SLC5A1: variants seen among roughly 807,000 people sequenced by gnomAD.
SLC5A1 encodes sodium/glucose cotransporter 1.
A neutral mutation model predicts 73.5 loss-of-function variants in SLC5A1; 42 were observed. The observed-to-expected ratio is 0.57, with a 90% CI of 0.45 to 0.74. The LOEUF is 0.74. Ranked by LOEUF, SLC5A1 falls within the 30% of genes least tolerant of loss-of-function variation. SLC5A1 has a pLI of 0.00. For missense variants in SLC5A1, 634 were observed against 855.4 expected (o/e 0.74, Z 3.23); for synonymous variants, 300 against 317.4 (o/e 0.95, Z 0.58).
chr22:32,072,040 C>T (rs79397654), intron 5 of SLC5A1, among the ~76,000 whole-genome samples: 6,815 of 152,176 alleles, frequency 0.045, 207 homozygotes, highest in Non-Finnish European at 0.07. Flanking sequence ...CCAATTTTTT[C>T]CCCAGCAGTA....
At chr22:32,097,413 T>G (rs894974055) in intron 11 of SLC5A1, among the ~76,000 whole-genome samples, 5 of 152,100 alleles carry the variant, frequency 3.3e-5, no homozygotes, top group African/African-American at 9.7e-5. Context: ...TTTGTGGAGG[T>G]CAATTTAAGT....
rs535179312 is a variant in SLC5A1 at position 32,091,451 on chromosome 22, C to A, written c.1130-161C>A. Reference sequence around the variant, plus strand: ...TATAATGGGCTAATAAATTTAAAGCCATAGGACTACTTCTTAAAGCTTCTA... The same window carrying A: ...TATAATGGGCTAATAAATTTAAAGCAATAGGACTACTTCTTAAAGCTTCTA... On this transcript the variant is annotated intron_variant, in intron 10 of 14. Coordinates refer to ENST00000266088, the MANE Select transcript of SLC5A1 (RefSeq NM_000343.4). Among the ~76,000 whole-genome samples, 18 of 152,168 alleles carry A rather than the reference C, an allele frequency of 1.2e-4. No individual in the cohort carries two copies. The South Asian group carries it at 1.9e-3, about 16-fold the overall frequency.
intron 2 of SLC5A1, among the ~76,000 whole-genome samples, chr22:32,051,564 G>A (rs1178143531): frequency 4.6e-5 from 7 of 152,174 alleles, no homozygotes; most frequent in African/African-American, 1.2e-4. Flanking sequence ...GCTGAGGTGG[G>A]AGGATCGCTT....
Position 32,043,561 on chromosome 22 carries a change from G to A in SLC5A1, c.135+145G>A, listed in dbSNP as rs1417856594. 3.4e-6 allele frequency: 3 copies of A among 887,344 alleles called. No individual in the cohort carries two copies. The highest frequency in any genetic ancestry group is 1.7e-5 in the African/African-American group (1 of 60,508). 55.0% of individuals were successfully genotyped at this position (887,344 alleles called of 1,614,324 possible). On this transcript the variant is annotated intron_variant, in intron 1 of 14. Coordinates refer to ENST00000266088, the MANE Select transcript of SLC5A1 (RefSeq NM_000343.4). This position sits in a 1 kb window ranked among gnomAD's most constrained non-coding sequence, Gnocchi z 6.5. ...GGAAGCACTTTAGAAGCACTCAGAGGCACAGCATGAAGGGAGGAGGGCAAG... is the reference window on the plus strand; with the variant it reads ...GGAAGCACTTTAGAAGCACTCAGAGACACAGCATGAAGGGAGGAGGGCAAG...
intron 5 of SLC5A1, among the ~76,000 whole-genome samples, chr22:32,079,447 CTT>C (rs1433087002): frequency 6.6e-6 from 1 of 152,212 alleles, no homozygotes; most frequent in Non-Finnish European, 1.5e-5. Flanking sequence ...TAGCCCAACA[CTT>C]TTCAGAAGTC....
intron 5 of SLC5A1, among the ~76,000 whole-genome samples, chr22:32,071,500 C>T (rs1210528865): frequency 6.6e-6 from 1 of 152,170 alleles, no homozygotes; most frequent in Non-Finnish European, 1.5e-5. Flanking sequence ...ACATGGTTAA[C>T]TGAGAGCCTT....
At chr22:32,092,096 C>T (rs535958613) in intron 11 of SLC5A1, among the ~76,000 whole-genome samples, 2 of 152,044 alleles carry the variant, frequency 1.3e-5, no homozygotes, top group South Asian at 4.2e-4. Context: ...CCCTCGCCCC[C>T]CTCCCACCCG....
intron 1 of SLC5A1, among the ~76,000 whole-genome samples, chr22:32,049,469 TC>T (rs1248411591): frequency 4.1e-5 from 6 of 147,634 alleles, no homozygotes; most frequent in Non-Finnish European, 9.0e-5. Context: ...GGTCTTGAAT[TC>T]CTGGGCTCAA....
rs1244288397 is a variant in SLC5A1, at chr22:32,112,972, A to G, written c.*2759A>G. 2.0e-5 allele frequency: 3 copies of G among 152,214 alleles called. No homozygotes were observed. The highest frequency in any genetic ancestry group is 4.4e-5 in the Non-Finnish European group (3 of 68,044). The allele number at this position is 152,214 out of a possible 1,614,324, so 9.4% of individuals were successfully genotyped here. On this transcript the variant is annotated 3_prime_UTR_variant, in exon 15 of 15. Transcript: ENST00000266088. ...CATATATAAAAATATGTTGTATGCC[A>G]TGAGTATATATAATTATTATTTGTG... is the stretch of plus-strand genomic sequence containing the variant.
chr22:32,073,438 C>T (rs1043566680), intron 5 of SLC5A1, among the ~76,000 whole-genome samples: 9 of 152,226 alleles, frequency 5.9e-5, no homozygotes, highest in Non-Finnish European at 8.8e-5. Flanking sequence ...CCTTGTGTAG[C>T]TTCCTGACTC....
Position 32,068,654 on chromosome 22 carries a change from C to T in SLC5A1, c.477+54C>T, listed in dbSNP as rs571199151. 6.6e-4 allele frequency: 781 copies of T among 1,189,110 alleles called. 1 individual carries two copies. Among genetic ancestry groups the T allele is most frequent in the South Asian group, 8.9e-4 (73 of 82,094 alleles). 73.7% of individuals were successfully genotyped at this position (1,189,110 alleles called of 1,614,324 possible). On this transcript the variant is annotated intron_variant, in intron 5 of 14. Transcript: ENST00000266088. ...TGTCTCAGAAGCTGCCACTCTCATTCCTCATCACATGCTGCCCACCAAGAG... is the reference window on the plus strand; with the variant it reads ...TGTCTCAGAAGCTGCCACTCTCATTTCTCATCACATGCTGCCCACCAAGAG...
intron 12 of SLC5A1, among the ~76,000 whole-genome samples, chr22:32,100,983 G>A (rs1270132755): frequency 2.6e-5 from 4 of 152,128 alleles, no homozygotes; most frequent in Non-Finnish European, 1.5e-5. Context: ...CAGCAAGAAA[G>A]GGTGCACCCA....
chr22:32,109,195 C>T (rs2094051788), intron 14 of SLC5A1, among the ~76,000 whole-genome samples: 1 of 152,068 alleles, frequency 6.6e-6, no homozygotes, highest in African/African-American at 2.4e-5. Flanking sequence ...AGATAAAATT[C>T]AGTGACTTGT....
chr22:32,099,100 AAAAAAATATATAT>A (rs1569316146), intron 11 of SLC5A1, 70 bp from the exon 12 acceptor site: 54 of 158,296 alleles, frequency 3.4e-4, no homozygotes, highest in Non-Finnish European at 4.3e-4. Context: ...AAAAAAAAAA[AAAAAAATATATAT>A]ATATATATAT....
rs576036983 is a variant in SLC5A1 at position 32,110,916 on chromosome 22, C to T, written c.*703C>T. ...CTTCTTAAAATGTCCATTGTGAGTTCCCCGTGTTTGGGATTCCACTCATTT... is the reference window on the plus strand; with the variant it reads ...CTTCTTAAAATGTCCATTGTGAGTTTCCCGTGTTTGGGATTCCACTCATTT... On this transcript the variant is annotated 3_prime_UTR_variant, in exon 15 of 15. Transcript: ENST00000266088. The T allele has an allele frequency of 3.1e-3, 480 of 154,048 alleles. 1 individual carries two copies. Among genetic ancestry groups the T allele is most frequent in the Middle Eastern group, 6.8e-3 (2 of 294 alleles). 9.5% of individuals were successfully genotyped at this position (154,048 alleles called of 1,614,324 possible).
At chr22:32,104,682 C>T in intron 13 of SLC5A1, 104 bp from the exon 14 acceptor site, 1 of 793,498 alleles carries the variant, frequency 1.3e-6, no homozygotes, top group Non-Finnish European at 2.2e-6. Flanking sequence ...ACTGAGATGC[C>T]ACATTCCCTT....
At chr22:32,107,387 G>A (rs1396510105) in intron 14 of SLC5A1, among the ~76,000 whole-genome samples, 2 of 152,198 alleles carry the variant, frequency 1.3e-5, no homozygotes, top group Admixed American at 1.3e-4. Context: ...AGAGTAAGGA[G>A]GCAAGATAGT....
chr22:32,048,419 T>C (rs2093939957), intron 1 of SLC5A1, among the ~76,000 whole-genome samples: 1 of 152,186 alleles, frequency 6.6e-6, no homozygotes, highest in African/African-American at 2.4e-5. Flanking sequence ...AAGATTCATG[T>C]CATTTTTCTC....
intron 1 of SLC5A1, among the ~76,000 whole-genome samples, chr22:32,045,867 T>C (rs2093936459): frequency 1.3e-5 from 2 of 152,188 alleles, no homozygotes; most frequent in South Asian, 2.1e-4. Flanking sequence ...CTATGGACCA[T>C]GGGCCAAATC....
Sources: gnomAD v4.1 joint callset for allele counts (sites outside exome capture counted in the v4.1 genomes callset) on GRCh38, gnomAD v4.1.1 for gene constraint, Gnocchi (gnomAD v3.1) non-coding constraint, MANE v1.5 for transcripts, NCBI Gene and HGNC (gene_info 2026-07-23, HGNC 2026-07-21) for gene names.